CDYL: variants seen among roughly 807,000 people sequenced by gnomAD.
The protein encoded by CDYL is chromodomain Y like.
In CDYL, 8 loss-of-function variants were observed where a neutral mutation model predicts 47.3. The observed-to-expected ratio is 0.17, with a 90% CI of 0.10 to 0.31. The LOEUF (loss-of-function observed/expected upper bound fraction) is 0.31, where lower values mean the gene tolerates loss of function less well. Among genes scored for constraint, CDYL ranks in the 10% least tolerant of loss-of-function variants. The probability of loss-of-function intolerance (pLI) is 1.00; values close to 1 mark genes in which losing one functional copy is unlikely to be tolerated. For missense variants in CDYL, 471 were observed against 701.4 expected, an observed-to-expected ratio of 0.67 and a Z score of 3.71; for synonymous variants, 266 against 265.0, an observed-to-expected ratio of 1.00 and a Z score of -0.04.
intron 2 of CDYL, chr6:4,733,303 CAG>C (rs879285443): frequency 2.6e-5 from 4 of 152,032 alleles, no homozygotes; most frequent in Admixed American, 2.6e-4. Context: ...ATCCTAACCT[CAG>C]GGTAAAAGCC....
At chr6:4,823,983 G>A (rs576553327) in intron 1 of CDYL, among the ~76,000 whole-genome samples, 53 of 152,314 alleles carry the variant, frequency 3.5e-4, no homozygotes, top group African/African-American at 1.3e-3. Context: ...AGATCTTGTA[G>A]TATTTGTCCT....
intron 1 of CDYL, among the ~76,000 whole-genome samples, chr6:4,831,574 T>G (rs1307521540): frequency 3.3e-5 from 5 of 152,106 alleles, no homozygotes; most frequent in African/African-American, 1.2e-4. Context: ...TCTTTTTTGG[T>G]TCCATATGAA....
At chr6:4,834,998 A>C (rs1469171772) in intron 1 of CDYL, among the ~76,000 whole-genome samples, 1 of 152,012 alleles carries the variant, frequency 6.6e-6, no homozygotes, top group Non-Finnish European at 1.5e-5. Context: ...GAAGTTTTTA[A>C]CTTCTTTGCC....
intron 5 of CDYL, among the ~76,000 whole-genome samples, chr6:4,948,733 A>G (rs1187876832): frequency 6.6e-6 from 1 of 152,220 alleles, no homozygotes; most frequent in Non-Finnish European, 1.5e-5. Flanking sequence ...CCTAGTGTCC[A>G]GGGGGAGAAA....
At chr6:4,765,065 G>A (rs915375901) in intron 3 of CDYL, among the ~76,000 whole-genome samples, 3 of 152,202 alleles carry the variant, frequency 2.0e-5, no homozygotes, top group Non-Finnish European at 2.9e-5. Flanking sequence ...GCTCACGCCT[G>A]TAATCCCAGC....
rs963487928 is a variant in CDYL, at chr6:4,776,697, A to G, written c.-87A>G. On this transcript the variant is annotated 5_prime_UTR_variant, in exon 1 of 7. Coordinates refer to ENST00000397588, the MANE Select transcript of CDYL (RefSeq NM_004824.4). ...CGGGAGCAGGAAGCGCAGGCCACGC[A>G]GGACCCAACTGAAACAAAGTGTCGG... 1 of 1,216,954 alleles carries G rather than the reference A, an allele frequency of 8.2e-7. No homozygotes were observed. Among genetic ancestry groups the G allele is most frequent in the Non-Finnish European group, 1.1e-6 (1 of 939,804 alleles). 75.4% of individuals were successfully genotyped at this position (1,216,954 alleles called of 1,614,324 possible).
intron 2 of CDYL, among the ~76,000 whole-genome samples, chr6:4,919,734 T>C (rs956912906): frequency 6.6e-6 from 1 of 152,202 alleles, no homozygotes; most frequent in Non-Finnish European, 1.5e-5. Flanking sequence ...CAGTCCATGA[T>C]TTTAATCTTT....
intron 3 of CDYL, among the ~76,000 whole-genome samples, chr6:4,749,119 C>A (rs1582308316): frequency 6.6e-6 from 1 of 152,164 alleles, no homozygotes; most frequent in Admixed American, 6.5e-5. Flanking sequence ...AAACAAATGA[C>A]CTTCTCAAAA....
At chr6:4,907,801 T>C (rs971312989) in intron 2 of CDYL, among the ~76,000 whole-genome samples, 11 of 152,250 alleles carry the variant, frequency 7.2e-5, no homozygotes, top group African/African-American at 2.4e-4. Flanking sequence ...GTTGCTGTTA[T>C]GGTGAGGTCA....
chr6:4,777,514 A>G (rs1758502431), intron 1 of CDYL, among the ~76,000 whole-genome samples: 1 of 152,216 alleles, frequency 6.6e-6, no homozygotes, highest in African/African-American at 2.4e-5. Flanking sequence ...CATGTTTTGT[A>G]TGTCTCCATG....
At chr6:4,799,281 G>GT (rs1190833246) in intron 1 of CDYL, among the ~76,000 whole-genome samples, 1 of 151,966 alleles carries the variant, frequency 6.6e-6, no homozygotes, top group African/African-American at 2.4e-5. Context: ...TAAGATTTCA[G>GT]TTTTTTGGAA....
At chr6:4,855,580 C>T (rs1352039168) in intron 1 of CDYL, among the ~76,000 whole-genome samples, 2 of 152,132 alleles carry the variant, frequency 1.3e-5, no homozygotes, top group African/African-American at 4.8e-5. Context: ...AGTTTTTTTC[C>T]ATTTGGTGGA....
intron 3 of CDYL, among the ~76,000 whole-genome samples, chr6:4,765,568 GTTT>G (rs35200907): frequency 7.0e-6 from 1 of 143,522 alleles, no homozygotes; most frequent in Non-Finnish European, 1.5e-5. Context: ...TTTGTTTCCC[GTTT>G]TTTTTTTTTT....
chr6:4,715,940 C>CCCCTT lies in CDYL; in HGVS notation c.103+60_103+64dup. ...GCAGTAGGCAGAATTCTTAGAGAGG[C>CCCCTT]CCCTTTTATTTAAAAATGATTTTAC... is the stretch of plus-strand genomic sequence containing the variant. On this transcript the variant is annotated intron_variant, in intron 2 of 8. Transcript: ENST00000328908. 4 of 1,568,632 alleles carry CCCCTT rather than the reference C, an allele frequency of 2.5e-6. No individual in the cohort carries two copies. The South Asian group carries it at 4.6e-5, about 18-fold the overall frequency.
intron 3 of CDYL, among the ~76,000 whole-genome samples, chr6:4,735,750 G>A (rs910877712): frequency 6.6e-6 from 1 of 151,914 alleles, no homozygotes; most frequent in East Asian, 1.9e-4. Flanking sequence ...CGGGCAACAA[G>A]AGCGAAACTC....
chr6:4,852,929 G>C (rs1253680578), intron 1 of CDYL, among the ~76,000 whole-genome samples: 1 of 151,972 alleles, frequency 6.6e-6, no homozygotes, highest in Non-Finnish European at 1.5e-5. Context: ...CATTTGAGTA[G>C]CCGGGACCAG....
intron 5 of CDYL, among the ~76,000 whole-genome samples, chr6:4,950,938 A>G (rs561243097): frequency 1.5e-4 from 22 of 151,592 alleles, no homozygotes; most frequent in African/African-American, 5.3e-4. Context: ...TCTCAAAAAA[A>G]AAAAAAAAAA....
At chr6:4,912,867 A>G (rs182326554) in intron 2 of CDYL, among the ~76,000 whole-genome samples, 1 of 152,158 alleles carries the variant, frequency 6.6e-6, no homozygotes, top group African/African-American at 2.4e-5. Flanking sequence ...CCCATTCATG[A>G]GGGCAGAGCC....
At chr6:4,827,933 G>A (rs1191145518) in intron 1 of CDYL, among the ~76,000 whole-genome samples, 1 of 152,158 alleles carries the variant, frequency 6.6e-6, no homozygotes, top group East Asian at 1.9e-4. Flanking sequence ...GGAATTACAG[G>A]CGGGAGCCAT....
Sources: gnomAD v4.1 joint callset for allele counts (sites outside exome capture counted in the v4.1 genomes callset) on GRCh38, gnomAD v4.1.1 for gene constraint, MANE v1.5 for transcripts, NCBI Gene and HGNC (gene_info 2026-07-23, HGNC 2026-07-21) for gene names.